Variants in ABCB5 observed in about 807,000 individuals in gnomAD.
ABCB5 encodes ATP-binding cassette sub-family B member 5.
Under a neutral mutation model 144.2 loss-of-function variants are expected in ABCB5, and 155 were observed. The observed-to-expected ratio is 1.08, with a 90% CI of 0.94 to 1.23. The LOEUF (loss-of-function observed/expected upper bound fraction) is 1.23, where lower values mean the gene tolerates loss of function less well. ABCB5 is among the 50% of genes most tolerant of loss of function. The pLI is 0.00. For missense variants in ABCB5, 1,830 were observed against 1,520.8 expected (o/e 1.20, Z -3.38); for synonymous variants, 610 against 528.6 (o/e 1.15, Z -2.11).
intron 7 of ABCB5, among the ~76,000 whole-genome samples, chr7:20,644,168 C>T (rs1421798047): frequency 6.6e-6 from 1 of 151,906 alleles, no homozygotes; most frequent in Non-Finnish European, 1.5e-5. Context: ...TCACTGCAGC[C>T]TCAACTTCCC....
intron 14 of ABCB5, among the ~76,000 whole-genome samples, chr7:20,676,023 T>G (rs1451705975): frequency 2.0e-5 from 3 of 151,968 alleles, no homozygotes; most frequent in African/African-American, 7.2e-5. Flanking sequence ...AATAAATAAG[T>G]GTTGGTGAGG....
At chr7:20,719,541 A>G (rs1378847937) in intron 20 of ABCB5, among the ~76,000 whole-genome samples, 3 of 152,164 alleles carry the variant, frequency 2.0e-5, no homozygotes, top group Admixed American at 2.0e-4. Flanking sequence ...ACTCAACACT[A>G]CTATGATAGA....
intron 14 of ABCB5, chr7:20,659,935 C>T (rs551406099): frequency 3.5e-5 from 34 of 974,352 alleles, no homozygotes; most frequent in South Asian, 2.9e-4. Context: ...CCGCCCACCT[C>T]GGCCTCCCAA....
At chr7:20,644,319 T>A (rs938277146) in intron 7 of ABCB5, among the ~76,000 whole-genome samples, 1 of 152,116 alleles carries the variant, frequency 6.6e-6, no homozygotes, top group Non-Finnish European at 1.5e-5. Flanking sequence ...GCTGAAGCTA[T>A]CCGCCCACCT....
intron 20 of ABCB5, among the ~76,000 whole-genome samples, chr7:20,718,103 G>C (rs1781745286): frequency 6.7e-6 from 1 of 150,366 alleles, no homozygotes; most frequent in Non-Finnish European, 1.5e-5. Flanking sequence ...TAGAGACGGG[G>C]TTTCACCGTG....
chr7:20,691,775 T>A (rs949970828), intron 16 of ABCB5, among the ~76,000 whole-genome samples: 1 of 152,010 alleles, frequency 6.6e-6, no homozygotes. Flanking sequence ...CTCAAAAGGA[T>A]TAAACTGTTT....
chr7:20,722,532 T>C (rs901749843), intron 20 of ABCB5, among the ~76,000 whole-genome samples: 1 of 152,212 alleles, frequency 6.6e-6, no homozygotes, highest in East Asian at 1.9e-4. Flanking sequence ...ATCTCAATAT[T>C]GGACATCAAG....
intron 23 of ABCB5, among the ~76,000 whole-genome samples, chr7:20,735,800 T>A (rs1223461278): frequency 6.6e-6 from 1 of 152,198 alleles, no homozygotes; most frequent in Non-Finnish European, 1.5e-5. Context: ...GCAGCTCACG[T>A]TCCAACCCTA....
intron 16 of ABCB5, among the ~76,000 whole-genome samples, chr7:20,696,335 T>C (rs1023538919): frequency 6.6e-6 from 1 of 152,108 alleles, no homozygotes; most frequent in Non-Finnish European, 1.5e-5. Flanking sequence ...TAATGTATGA[T>C]TTCATTTATA....
Position 20,755,471 on chromosome 7 carries a change from C to T in ABCB5, c.3621C>T (p.Cys1207=). Residue 1207 remains cysteine (C), a synonymous_variant, in exon 28 of 28, where the codon TGC becomes TGT. Coordinates refer to ENST00000404938, the MANE Select transcript of ABCB5 (RefSeq NM_001163941.2). ...ALDKARTGRT[C]LVVTHRLSAI... ...ATAAAGCCAGGACGGGAAGGACATG[C>T]CTAGTGGTCACTCACAGGCTCTCTG... 6.2e-7 allele frequency: 1 copy of T among 1,614,164 alleles called. No homozygotes were observed. The highest frequency in any genetic ancestry group is 8.5e-7 in the Non-Finnish European group (1 of 1,180,032).
intron 26 of ABCB5, among the ~76,000 whole-genome samples, chr7:20,746,344 C>T (rs1317835207): frequency 6.6e-6 from 1 of 152,084 alleles, no homozygotes; most frequent in Non-Finnish European, 1.5e-5. Context: ...GGTGATCCAC[C>T]GCCTTGGCCT....
At chr7:20,754,032 C>T (rs888548989) in intron 27 of ABCB5, among the ~76,000 whole-genome samples, 3 of 152,176 alleles carry the variant, frequency 2.0e-5, no homozygotes, top group Non-Finnish European at 4.4e-5. Context: ...ATGTCCTTAT[C>T]CCTTAGGAGT....
chr7:20,645,485 A>G (rs1784381411), intron 7 of ABCB5, among the ~76,000 whole-genome samples: 1 of 152,228 alleles, frequency 6.6e-6, no homozygotes, highest in Non-Finnish European at 1.5e-5. Flanking sequence ...GTTAATTACA[A>G]AATTGTAAAA....
intron 26 of ABCB5, among the ~76,000 whole-genome samples, chr7:20,750,320 A>G (rs968723559): frequency 1.7e-5 from 2 of 119,846 alleles, no homozygotes; most frequent in Admixed American, 1.5e-4. Flanking sequence ...GAAATGTACA[A>G]TGCACTGAGC....
rs762102803 is a variant in ABCB5, at chr7:20,727,143, G to A, written c.2726+3G>A. 45 of 1,609,572 alleles carry A rather than the reference G, an allele frequency of 2.8e-5. No individual in the cohort carries two copies. Among genetic ancestry groups the A allele is most frequent in the Non-Finnish European group, 3.8e-5 (45 of 1,177,180 alleles). ...GAGATGCTTCAGACTCAACACAGGT[G>A]ATTATAGATTCATACTGACTTCAAA... On this transcript the variant is annotated splice_donor_region_variant and intron_variant, in intron 22 of 27. Transcript: ENST00000404938.
At chr7:20,666,766 A>G (rs748689805) in intron 14 of ABCB5, 17 of 1,598,866 alleles carry the variant, frequency 1.1e-5, no homozygotes, top group South Asian at 4.5e-5. Context: ...TAGAAAAAAT[A>G]ATACAACAAA....
chr7:20,681,818 A>G (rs118126951), intron 15 of ABCB5, 152 bp downstream of exon 15: 2 of 870,308 alleles, frequency 2.3e-6, no homozygotes, highest in Non-Finnish European at 3.4e-6. Flanking sequence ...AGTGTTTCAA[A>G]TCCTCAGTGT....
At chr7:20,709,967 C>G (rs1028508157) in intron 20 of ABCB5, among the ~76,000 whole-genome samples, 2 of 147,572 alleles carry the variant, frequency 1.4e-5, no homozygotes, top group Non-Finnish European at 3.0e-5. Context: ...CACAGCCACT[C>G]GGGAGGCTGA....
In ABCB5 at chr7:20,745,331, G is replaced by A. The variant is rs745810737; in HGVS notation, c.3322G>A (p.Ala1108Thr). 3 of 1,614,004 alleles carry A rather than the reference G, an allele frequency of 1.9e-6. No homozygotes were observed. In the African/African-American group the frequency reaches 4.0e-5, roughly 22 times the overall value. ...QEPVLFNCSI[A>T]ENIAYGDNSR... Reference sequence around the variant, plus strand: ...GCCTGTGCTCTTCAACTGCAGCATTGCTGAGAACATCGCCTATGGTGACAA... The same window carrying A: ...GCCTGTGCTCTTCAACTGCAGCATTACTGAGAACATCGCCTATGGTGACAA... Residue 1108 changes from alanine (A) to threonine (T), a missense_variant, in exon 26 of 28, where the codon GCT becomes ACT. Coordinates refer to ENST00000404938, the MANE Select transcript of ABCB5 (RefSeq NM_001163941.2).
Sources: allele counts gnomAD v4.1 joint callset (sites outside exome capture counted in the v4.1 genomes callset), GRCh38; gene constraint gnomAD v4.1.1; transcripts MANE v1.5; gene names NCBI Gene and HGNC (gene_info 2026-07-23, HGNC 2026-07-21).